The following XYLT1 variants were observed in gnomAD, a reference collection of about 807,000 sequenced individuals.
The protein encoded by XYLT1 is xylosyltransferase 1, also known as beta-D-xylosyltransferase 1.
XYLT1 carries 36 observed loss-of-function variants against 91.3 expected under a neutral mutation model. The observed-to-expected ratio is 0.39, with a 90% CI of 0.30 to 0.52. The LOEUF (loss-of-function observed/expected upper bound fraction) is 0.52. Among genes scored for constraint, XYLT1 ranks in the 20% least tolerant of loss-of-function variants. XYLT1 has a pLI of 0.68. For missense variants in XYLT1, 1,242 were observed against 1,284.5 expected (o/e 0.97, Z 0.51); for synonymous variants, 588 against 532.0 (o/e 1.11, Z -1.45).
At chr16:17,254,698 C>T (rs2033601750) in intron 3 of XYLT1, among the ~76,000 whole-genome samples, 1 of 152,004 alleles carries the variant, frequency 6.6e-6, no homozygotes, top group East Asian at 1.9e-4. Context: ...CCTGGCCTAG[C>T]TTACTTTATT....
Position 17,108,968 on chromosome 16 carries a change from C to T in XYLT1, c.2607G>A (p.Glu869=), listed in dbSNP as rs1340268430. 2 of 1,574,310 alleles carry T rather than the reference C, an allele frequency of 1.3e-6. No individual in the cohort carries two copies. Among genetic ancestry groups the T allele is most frequent in the South Asian group, 1.2e-5 (1 of 85,904 alleles). ...CGGGGTTTAGGCTCTGGAAGCTCTG[C>T]TCCATGTAGGCATTGCGGAGGGGCC... ...HNGPLRNAYM[E]QSFQSLNPVL... Residue 869 remains glutamate (E), a synonymous_variant, in exon 12 of 12, where the codon GAG becomes GAA. Coordinates refer to ENST00000261381, the MANE Select transcript of XYLT1 (RefSeq NM_022166.4).
chr16:17,220,860 A>G (rs559476825), intron 3 of XYLT1, among the ~76,000 whole-genome samples: 1 of 152,290 alleles, frequency 6.6e-6, no homozygotes, highest in East Asian at 1.9e-4. Flanking sequence ...CTGAGATCTC[A>G]CCCTGGGCAG....
At position 17,336,470 on chromosome 16, in the gene XYLT1, C is replaced by T. The variant is rs1053064348; in HGVS notation, c.402+21542G>A. On this transcript the variant is annotated intron_variant, in intron 2 of 11. Coordinates refer to ENST00000261381, the MANE Select transcript of XYLT1 (RefSeq NM_022166.4). ...CAAAAAGCAGCAGGCAGGCAAAGGC[C>T]AGTGAGAAGATGTTGACTCTGGGGC... Among the ~76,000 whole-genome samples, 14 of 152,236 alleles carry T rather than the reference C, an allele frequency of 9.2e-5. No homozygotes were observed. In the East Asian group the frequency reaches 1.7e-3, roughly 19 times the overall value.
At chr16:17,187,501 A>G (rs2032210899) in intron 5 of XYLT1, among the ~76,000 whole-genome samples, 1 of 139,080 alleles carries the variant, frequency 7.2e-6, no homozygotes, top group Admixed American at 7.8e-5. Flanking sequence ...TGGGAGGCAA[A>G]GGTTAGAGTG....
intron 1 of XYLT1, among the ~76,000 whole-genome samples, chr16:17,391,181 T>A (rs1473447127): frequency 6.6e-6 from 1 of 152,216 alleles, no homozygotes; most frequent in Non-Finnish European, 1.5e-5. Context: ...GAACCTAAGA[T>A]TGGCCTTTTG....
intron 1 of XYLT1, among the ~76,000 whole-genome samples, chr16:17,410,745 C>T (rs949523776): frequency 6.6e-6 from 1 of 150,500 alleles, no homozygotes; most frequent in South Asian, 2.1e-4. Context: ...TAGGTTCAAG[C>T]GATTATCCTG....
chr16:17,201,070 T>C (rs565530309), intron 3 of XYLT1, among the ~76,000 whole-genome samples: 1 of 152,374 alleles, frequency 6.6e-6, no homozygotes, highest in East Asian at 1.9e-4. Flanking sequence ...CTTCTTCTAA[T>C]AGCATCCAAT....
rs925969374 is a variant in XYLT1 at position 17,222,760 on chromosome 16, A to G, written c.914-22106T>C. ...AGCCGGGATCGTGCCACAGCACTCC[A>G]GCCTGGGTGACAGAGCAAAACTCTG... On this transcript the variant is annotated intron_variant, in intron 3 of 11. Coordinates refer to ENST00000261381, the MANE Select transcript of XYLT1 (RefSeq NM_022166.4). Among the ~76,000 whole-genome samples the G allele has an allele frequency of 1.4e-4, 20 of 144,922 alleles. No homozygotes were observed. In the South Asian group the frequency reaches 1.5e-3, roughly 11 times the overall value.
At chr16:17,334,622 C>T (rs1410190852) in intron 2 of XYLT1, among the ~76,000 whole-genome samples, 2 of 152,088 alleles carry the variant, frequency 1.3e-5, no homozygotes, top group African/African-American at 4.8e-5. Context: ...AGTCCCTCCC[C>T]GAGGGGACCT....
intron 3 of XYLT1, among the ~76,000 whole-genome samples, chr16:17,247,846 C>T (rs2033466198): frequency 7.2e-6 from 1 of 139,662 alleles, no homozygotes. Context: ...GGAGGAAAGA[C>T]CTCCCAAAGA....
At chr16:17,284,014 C>T (rs781155504) in intron 2 of XYLT1, among the ~76,000 whole-genome samples, 2 of 152,184 alleles carry the variant, frequency 1.3e-5, no homozygotes, top group Non-Finnish European at 2.9e-5. Flanking sequence ...ACAGTTCCAG[C>T]TCAACATAGA....
At chr16:17,330,234 C>T (rs1397717149) in intron 2 of XYLT1, among the ~76,000 whole-genome samples, 4 of 152,068 alleles carry the variant, frequency 2.6e-5, no homozygotes, top group Non-Finnish European at 5.9e-5. Context: ...CACACTCGTG[C>T]GTATAAACAA....
At position 17,141,206 on chromosome 16, in the gene XYLT1, C is replaced by G; in HGVS notation, c.1534G>C (p.Asp512His). Residue 512 changes from aspartate (D) to histidine (H), a missense_variant, in exon 7 of 12, where the codon GAT (aspartate) becomes CAT (histidine). Asp to His is a moderately conservative substitution (Grantham distance 81). Transcript: ENST00000261381. ...FVEYVTFSTD[D>H]LVTKMKQFYS... ...AACTGTTTCATCTTGGTCACCAGATCGTCTGTGGAGAAGGTCACATATTCT... is the reference window on the plus strand; with the variant it reads ...AACTGTTTCATCTTGGTCACCAGATGGTCTGTGGAGAAGGTCACATATTCT... 1 of 1,614,220 alleles carries G rather than the reference C, an allele frequency of 6.2e-7. No homozygotes were observed. Among genetic ancestry groups the G allele is most frequent in the Non-Finnish European group, 8.5e-7 (1 of 1,180,032 alleles).
In XYLT1 at chr16:17,187,492, G is replaced by T. The variant is rs571328455; in HGVS notation, c.1289+10720C>A. The stretch of plus-strand genomic sequence containing the variant: ...TGAGGGATGAGAATCACTTGAACCT[G>T]GGAGGCAAAGGTTAGAGTGAGCCAA... On this transcript the variant is annotated intron_variant, in intron 5 of 11. Transcript: ENST00000261381. Among the ~76,000 whole-genome samples, 153 of 145,426 alleles carry T rather than the reference G, an allele frequency of 1.1e-3. 1 individual carries two copies. The highest frequency in any genetic ancestry group is 0.01 in the Admixed American group (147 of 14,010).
chr16:17,152,460 A>G (rs1034444235), intron 6 of XYLT1, among the ~76,000 whole-genome samples: 8 of 152,248 alleles, frequency 5.3e-5, no homozygotes, highest in African/African-American at 1.2e-4. Context: ...TGAGATATTA[A>G]TGATCTCCTT....
intron 6 of XYLT1, among the ~76,000 whole-genome samples, chr16:17,144,321 GAA>G (rs2141524415): frequency 6.6e-6 from 1 of 152,308 alleles, no homozygotes; most frequent in Non-Finnish European, 1.5e-5. Flanking sequence ...TGGGTACAGT[GAA>G]AGACAGGAAA....
At chr16:17,313,268 C>T (rs1371710540) in intron 2 of XYLT1, among the ~76,000 whole-genome samples, 1 of 152,238 alleles carries the variant, frequency 6.6e-6, no homozygotes, top group Non-Finnish European at 1.5e-5. Context: ...AAGCAGGAAG[C>T]TGGGCTGCTC....
intron 11 of XYLT1, among the ~76,000 whole-genome samples, chr16:17,111,213 A>G (rs539101154): frequency 1.1e-3 from 163 of 152,310 alleles, no homozygotes; most frequent in Non-Finnish European, 1.9e-3. Flanking sequence ...AAACAGTAAC[A>G]TGTACGTAAG....
chr16:17,455,582 C>CTAAATAAATAAATAAA (rs71137993), intron 1 of XYLT1, among the ~76,000 whole-genome samples: 1 of 144,246 alleles, frequency 6.9e-6, no homozygotes, highest in Non-Finnish European at 1.5e-5. Flanking sequence ...GACTCCATCT[C>CTAAATAAATAAATAAA]TAAATAAATA....
Sources: gnomAD v4.1 joint callset for allele counts (sites outside exome capture counted in the v4.1 genomes callset) on GRCh38, gnomAD v4.1.1 for gene constraint, MANE v1.5 for transcripts, NCBI Gene and HGNC (gene_info 2026-07-23, HGNC 2026-07-21) for gene names.